BACH2: variants seen among roughly 807,000 people sequenced by gnomAD.
The protein encoded by BACH2 is transcription regulator protein BACH2.
A neutral mutation model predicts 61.8 loss-of-function variants in BACH2; 5 were observed. The ratio of observed to expected loss-of-function variants is 0.08; its 90% CI spans 0.04 to 0.17. BACH2 has a LOEUF of 0.17. Among genes scored for constraint, BACH2 ranks in the 10% least tolerant of loss-of-function variants. The probability of loss-of-function intolerance (pLI) is 1.00; values close to 1 mark genes in which losing one functional copy is unlikely to be tolerated. For synonymous variants in BACH2, 446 were observed against 440.1 expected (o/e 1.01, Z -0.17); for missense variants, 824 against 1,091.1 (o/e 0.76, Z 3.45).
chr6:89,943,090 G>A (rs191557547), intron 7 of BACH2, among the ~76,000 whole-genome samples: 1 of 152,142 alleles, frequency 6.6e-6, no homozygotes, highest in Non-Finnish European at 1.5e-5. Context: ...GGGATTATAG[G>A]AGTGAGCCAC....
At chr6:90,248,010 G>T (rs1770693646) in intron 3 of BACH2, among the ~76,000 whole-genome samples, 2 of 152,162 alleles carry the variant, frequency 1.3e-5, no homozygotes, top group South Asian at 4.1e-4. Flanking sequence ...TATCATAGGT[G>T]CTCAACAAAT....
chr6:90,144,961 T>C (rs55681326), intron 4 of BACH2, among the ~76,000 whole-genome samples: 9,961 of 152,238 alleles, frequency 0.065, 1,015 homozygotes, highest in African/African-American at 0.22. Flanking sequence ...AACATCCTTG[T>C]AGACGAAATC....
chr6:90,152,990 C>T (rs550151079), intron 4 of BACH2, among the ~76,000 whole-genome samples: 7 of 152,182 alleles, frequency 4.6e-5, no homozygotes, highest in Admixed American at 1.3e-4. Flanking sequence ...AGAAAGAAAG[C>T]GTTCTCGTAT....
chr6:90,027,746 T>C (rs1457979269), intron 5 of BACH2, among the ~76,000 whole-genome samples: 1 of 152,224 alleles, frequency 6.6e-6, no homozygotes, highest in Non-Finnish European at 1.5e-5. Context: ...TGTTAGACTG[T>C]GTAATCCTTG....
chr6:89,979,957 T>A (rs1012370313), intron 6 of BACH2, among the ~76,000 whole-genome samples: 4 of 152,202 alleles, frequency 2.6e-5, no homozygotes, highest in Non-Finnish European at 5.9e-5. Context: ...AAATATGAAC[T>A]GAAGATTCTT....
intron 4 of BACH2, among the ~76,000 whole-genome samples, chr6:90,137,075 G>A (rs1784295283): frequency 6.6e-6 from 1 of 152,110 alleles, no homozygotes; most frequent in South Asian, 2.1e-4. Context: ...AAAAATGTCT[G>A]TTCCAGTGAA....
At chr6:90,170,240 A>G (rs924270441) in intron 4 of BACH2, among the ~76,000 whole-genome samples, 3 of 152,196 alleles carry the variant, frequency 2.0e-5, no homozygotes, top group Non-Finnish European at 4.4e-5. Context: ...AAAAATAAAT[A>G]ATATTGCTTA....
intron 1 of BACH2, among the ~76,000 whole-genome samples, chr6:90,295,700 T>C (rs1035616101): frequency 1.3e-5 from 2 of 151,280 alleles, no homozygotes; most frequent in Admixed American, 1.3e-4. Flanking sequence ...CTTGACTTCA[T>C]GGAGGATCTG....
intron 4 of BACH2, among the ~76,000 whole-genome samples, chr6:90,202,319 T>C (rs1477308894): frequency 1.3e-5 from 2 of 152,122 alleles, no homozygotes; most frequent in African/African-American, 4.8e-5. Flanking sequence ...AGAAACTAAA[T>C]TTCAGTTTTA....
At chr6:90,044,156 T>C (rs1209748013) in intron 5 of BACH2, among the ~76,000 whole-genome samples, 2 of 152,162 alleles carry the variant, frequency 1.3e-5, no homozygotes, top group Admixed American at 6.5e-5. Flanking sequence ...CGAATGAATC[T>C]ACAATAATGT....
intron 2 of BACH2, among the ~76,000 whole-genome samples, chr6:90,253,864 T>C (rs1286579091): frequency 6.6e-6 from 1 of 152,002 alleles, no homozygotes; most frequent in Non-Finnish European, 1.5e-5. Context: ...AGTATGTACA[T>C]AGTCATAAAT....
At chr6:90,068,942 C>T (rs1417686630) in intron 5 of BACH2, among the ~76,000 whole-genome samples, 1 of 152,148 alleles carries the variant, frequency 6.6e-6, no homozygotes, top group Non-Finnish European at 1.5e-5. Context: ...CAGCATGTAC[C>T]AGTTTACACC....
chr6:90,037,793 G>A (rs1201466349), intron 5 of BACH2, among the ~76,000 whole-genome samples: 2 of 152,138 alleles, frequency 1.3e-5, no homozygotes, highest in Non-Finnish European at 2.9e-5. Flanking sequence ...AGTTAAGATG[G>A]GGTCATACTG....
Position 90,283,595 on chromosome 6 carries a change from C to A in BACH2, c.-445-11654G>T, listed in dbSNP as rs1771925891. Among the ~76,000 whole-genome samples, 3 of 151,906 alleles carry A rather than the reference C, an allele frequency of 2.0e-5. No individual in the cohort carries two copies. In the South Asian group the frequency reaches 6.2e-4, roughly 32 times the overall value. On this transcript the variant is annotated intron_variant, in intron 1 of 8. Coordinates refer to ENST00000257749, the MANE Select transcript of BACH2 (RefSeq NM_021813.4). ...TTTCATCGTTTTAGCCAGGATGGTC[C>A]CGATCTCCTGACCTCGTGATCCACC...
chr6:89,981,393 G>A (rs1056298601), intron 6 of BACH2, among the ~76,000 whole-genome samples: 21 of 151,866 alleles, frequency 1.4e-4, no homozygotes, highest in African/African-American at 7.3e-5. Context: ...TGCCCGCCTC[G>A]GCCTCCCAAA....
intron 4 of BACH2, among the ~76,000 whole-genome samples, chr6:90,104,882 C>G (rs1782831939): frequency 6.6e-6 from 1 of 152,094 alleles, no homozygotes; most frequent in African/African-American, 2.4e-5. Context: ...GCTGGTTTCC[C>G]CCATACTACC....
At chr6:90,196,372 TTATTAAAGTC>T (rs768381190) in intron 4 of BACH2, among the ~76,000 whole-genome samples, 1 of 152,234 alleles carries the variant, frequency 6.6e-6, no homozygotes, top group Non-Finnish European at 1.5e-5. Context: ...AAAGTACACA[TTATTAAAGTC>T]TATTAAAGTC....
chr6:90,093,852 C>T (rs1234955755), intron 4 of BACH2, among the ~76,000 whole-genome samples: 1 of 152,178 alleles, frequency 6.6e-6, no homozygotes, highest in Non-Finnish European at 1.5e-5. Context: ...TGAAGTAGCT[C>T]ACCAGACTGC....
chr6:90,296,306 G>A (rs1772384032), intron 1 of BACH2, among the ~76,000 whole-genome samples, 174 bp downstream of exon 1: 1 of 151,574 alleles, frequency 6.6e-6, no homozygotes, highest in African/African-American at 2.4e-5. Flanking sequence ...CCTAGAAAAT[G>A]CCATAAAAGC....
Sources: gnomAD v4.1 joint callset for allele counts (sites outside exome capture counted in the v4.1 genomes callset) on GRCh38, gnomAD v4.1.1 for gene constraint, MANE v1.5 for transcripts, NCBI Gene and HGNC (gene_info 2026-07-23, HGNC 2026-07-21) for gene names.